Variants in MSRB1 observed in about 807,000 individuals in gnomAD.
MSRB1 encodes the protein methionine sulfoxide reductase B1.
A neutral mutation model predicts 15.2 loss-of-function variants in MSRB1; 13 were observed. The ratio of observed to expected loss-of-function variants is 0.86; its 90% CI spans 0.56 to 1.36. MSRB1 has a LOEUF of 1.36. Among genes scored for constraint, MSRB1 ranks in the 40% most tolerant of loss-of-function variants. The pLI, the probability that MSRB1 is intolerant of heterozygous loss-of-function variation, is 0.00. For synonymous variants in MSRB1, 68 were observed against 64.5 expected, an observed-to-expected ratio of 1.05 and a Z score of -0.26; for missense variants, 174 against 155.9, an observed-to-expected ratio of 1.12 and a Z score of -0.62.
chr16:1,941,713 T>A, intron 1 of MSRB1: 1 of 399,448 alleles, frequency 2.5e-6, no homozygotes, highest in East Asian at 5.3e-5. Flanking sequence ...GTGTGCAGCG[T>A]GAAGGAACCT....
intron 1 of MSRB1, among the ~76,000 whole-genome samples, chr16:1,942,302 C>A (rs2083082458): frequency 6.6e-6 from 1 of 152,228 alleles, no homozygotes; most frequent in Non-Finnish European, 1.5e-5. Context: ...TGTCACAGCC[C>A]AACCCGCTAC....
rs1334324321 is a variant in MSRB1, at chr16:1,941,319, C to T, written c.142G>A (p.Glu48Lys). 3.7e-6 allele frequency: 6 copies of T among 1,613,856 alleles called. No homozygotes were observed. The highest frequency in any genetic ancestry group is 4.5e-5 in the East Asian group (2 of 44,846). Residue 48 changes from glutamate (E) to lysine (K), a missense_variant, in exon 2 of 4, where the codon GAG becomes AAG. By Grantham distance (56) the Glu-to-Lys change is moderately conservative. Transcript: ENST00000361871. The part of the protein sequence containing the change: ...AHSSPWPAFT[E>K]TIHADSVAKR... ...GCCACGCTGTCGGCGTGAATGGTCT[C>T]GGTGAACGCCGGCCATGGAGACGAG...
intron 3 of MSRB1, 96 bp from the exon 4 acceptor site, chr16:1,939,239 G>A (rs562801328): frequency 1.8e-5 from 25 of 1,369,826 alleles, no homozygotes; most frequent in Non-Finnish European, 2.4e-5. Context: ...CAGGGTAGGG[G>A]CAGAAAGCAA....
rs372435733 is a variant in MSRB1, at chr16:1,943,082, C to T, written c.55+20G>A. 6.4e-6 allele frequency: 10 copies of T among 1,552,828 alleles called. No homozygotes were observed. Among genetic ancestry groups the T allele is most frequent in the Non-Finnish European group, 8.7e-6 (10 of 1,148,388 alleles). ...GCCCCCCGCCGCGCTGCCCTCCCAG[C>T]GAGAGGCCGCAGGACCAACCAGGTT... On this transcript the variant is annotated intron_variant, in intron 1 of 3. Coordinates refer to ENST00000361871, the MANE Select transcript of MSRB1 (RefSeq NM_016332.4).
chr16:1,939,262 CAG>C, intron 3 of MSRB1, 119 bp from the exon 4 acceptor site: 1 of 1,158,064 alleles, frequency 8.6e-7, no homozygotes, highest in Non-Finnish European at 1.2e-6. Flanking sequence ...CACTGCAAGG[CAG>C]AGCTTCAGGT....
chr16:1,938,985 T>A lies in MSRB1; in HGVS notation c.*127A>T. On this transcript the variant is annotated 3_prime_UTR_variant, in exon 4 of 4. Coordinates refer to ENST00000361871, the MANE Select transcript of MSRB1 (RefSeq NM_016332.4). ...TTGTTCAGAGCCGGGGCCTTGGGAG[T>A]GTCCTGATGTTTCAACCACTGCGCC... 1.7e-6 allele frequency: 2 copies of A among 1,207,154 alleles called. No homozygotes were observed. The highest frequency in any genetic ancestry group is 2.4e-6 in the Non-Finnish European group (2 of 835,550). The allele number at this position is 1,207,154 out of a possible 1,614,324, so 74.8% of individuals were successfully genotyped here. A position where few individuals can be genotyped will look rare whatever the true frequency, so the allele number is the denominator to read the frequency against.
At chr16:1,940,592 C>CG (rs1396361955) in intron 3 of MSRB1, among the ~76,000 whole-genome samples, 186 bp downstream of exon 3, 1 of 152,256 alleles carries the variant, frequency 6.6e-6, no homozygotes, top group South Asian at 2.1e-4. Context: ...AGCGAGGAAG[C>CG]GGAACACCAG....
chr16:1,941,023 G>A (rs2083073342), intron 2 of MSRB1, 131 bp from the exon 3 acceptor site: 1 of 1,554,512 alleles, frequency 6.4e-7, no homozygotes, highest in South Asian at 1.2e-5. Flanking sequence ...GACATAAGAG[G>A]TTGACCTTTG....
intron 1 of MSRB1, among the ~76,000 whole-genome samples, chr16:1,942,467 C>T (rs925360957): frequency 6.6e-6 from 1 of 152,264 alleles, no homozygotes; most frequent in Non-Finnish European, 1.5e-5. Flanking sequence ...CCAAACCACC[C>T]CATCCTGCCT....
chr16:1,941,434 G>A (rs769557222), intron 1 of MSRB1, 29 bp from the exon 2 acceptor site: 1 of 1,591,978 alleles, frequency 6.3e-7, no homozygotes, highest in East Asian at 2.3e-5. Flanking sequence ...CAAATGTGGA[G>A]TCATCAGCTC....
In MSRB1 at chr16:1,939,103, G is replaced by A. The variant is rs769892402; in HGVS notation, c.*9C>T. On this transcript the variant is annotated 3_prime_UTR_variant, in exon 4 of 4. Coordinates refer to ENST00000361871, the MANE Select transcript of MSRB1 (RefSeq NM_016332.4). ...TGGTGGCCGTCTGGGGTGGGTGTGG[G>A]CTGCCCGCCTAGTGACCCTGGGAGG... 6.2e-7 allele frequency: 1 copy of A among 1,612,474 alleles called. No individual in the cohort carries two copies. Among genetic ancestry groups the A allele is most frequent in the South Asian group, 1.1e-5 (1 of 91,024 alleles).
At position 1,938,296 on chromosome 16, in the gene MSRB1, G is replaced by C. The variant is rs1393383778; in HGVS notation, c.*816C>G. On this transcript the variant is annotated 3_prime_UTR_variant, in exon 4 of 4. Coordinates refer to ENST00000361871, the MANE Select transcript of MSRB1 (RefSeq NM_016332.4). Reference sequence around the variant, plus strand: ...ACTCCAGAAAGTAATTACTTAAGATGGGGGGTGATTTCAGCATCACCCACC... The same window carrying C: ...ACTCCAGAAAGTAATTACTTAAGATCGGGGGTGATTTCAGCATCACCCACC... 6.6e-6 allele frequency: 1 copy of C among 152,206 alleles called. No individual in the cohort carries two copies. Among genetic ancestry groups the C allele is most frequent in the Non-Finnish European group, 1.5e-5 (1 of 68,038 alleles). The allele number at this position is 152,206 out of a possible 1,614,324, so 9.4% of individuals were successfully genotyped here. A position where few individuals can be genotyped will look rare whatever the true frequency, so the allele number is the denominator to read the frequency against.
At chr16:1,939,277 C>T (rs886746147) in intron 3 of MSRB1, 134 bp from the exon 4 acceptor site, 18 of 1,015,362 alleles carry the variant, frequency 1.8e-5, no homozygotes, top group African/African-American at 1.6e-4. Context: ...CTTCAGGTGC[C>T]GTTCCCTGCG....
In MSRB1 at chr16:1,939,092, G is replaced by A; in HGVS notation, c.*20C>T. 2.5e-6 allele frequency: 4 copies of A among 1,613,064 alleles called. No homozygotes were observed. Among genetic ancestry groups the A allele is most frequent in the South Asian group, 2.2e-5 (2 of 91,034 alleles). ...TGGCCTCAGTGTGGTGGCCGTCTGG[G>A]GTGGGTGTGGGCTGCCCGCCTAGTG... On this transcript the variant is annotated 3_prime_UTR_variant, in exon 4 of 4. Coordinates refer to ENST00000361871, the MANE Select transcript of MSRB1 (RefSeq NM_016332.4).
chr16:1,940,090 G>A (rs1434202993), intron 3 of MSRB1, among the ~76,000 whole-genome samples: 1 of 151,912 alleles, frequency 6.6e-6, no homozygotes, highest in Non-Finnish European at 1.5e-5. Context: ...TGGCCACCAT[G>A]GTGAAACCCC....
chr16:1,940,947 G>A, intron 2 of MSRB1, 55 bp from the exon 3 acceptor site: 2 of 1,611,438 alleles, frequency 1.2e-6, no homozygotes, highest in Non-Finnish European at 1.7e-6. Context: ...CAGCCACAGT[G>A]AAGGCCCTTA....
chr16:1,940,525 A>G (rs1192830085), intron 3 of MSRB1, among the ~76,000 whole-genome samples: 8 of 152,252 alleles, frequency 5.3e-5, no homozygotes, highest in Admixed American at 3.9e-4. Context: ...CTCTGAGGAA[A>G]ACCATTTGCC....
At chr16:1,942,002 C>G (rs2083080466) in intron 1 of MSRB1, 1 of 152,806 alleles carries the variant, frequency 6.5e-6, no homozygotes, top group Non-Finnish European at 1.5e-5. Context: ...CAAAGGATCC[C>G]TTTGGAGTGG....
chr16:1,941,029 C>G (rs1473201335), intron 2 of MSRB1, 137 bp from the exon 3 acceptor site: 1 of 1,553,758 alleles, frequency 6.4e-7, no homozygotes, highest in Admixed American at 2.0e-5. Flanking sequence ...AGAGGTTGAC[C>G]TTTGTCCTGG....
Sources: allele counts gnomAD v4.1 joint callset (sites outside exome capture counted in the v4.1 genomes callset), GRCh38; gene constraint gnomAD v4.1.1; transcripts MANE v1.5; gene names NCBI Gene and HGNC (gene_info 2026-07-23, HGNC 2026-07-21).